The following CLCA1 variants were observed in gnomAD, a reference collection of about 807,000 sequenced individuals.
The protein encoded by CLCA1 is chloride channel accessory 1, also known as calcium-activated chloride channel regulator 1.
CLCA1 carries 59 observed loss-of-function variants against 85.6 expected under a neutral mutation model. That is an observed-to-expected ratio of 0.69 (90% confidence interval 0.56 to 0.86). The LOEUF (loss-of-function observed/expected upper bound fraction) is 0.86, where lower values mean the gene tolerates loss of function less well. Ranked by LOEUF, CLCA1 falls within the 40% of genes least tolerant of loss-of-function variation. CLCA1 has a pLI of 0.00. For missense variants in CLCA1, 1,022 were observed against 1,101.4 expected, an observed-to-expected ratio of 0.93 and a Z score of 1.02; for synonymous variants, 396 against 398.3, an observed-to-expected ratio of 0.99 and a Z score of 0.07.
At chr1:86,484,317 G>A (rs1406591419) in intron 5 of CLCA1, among the ~76,000 whole-genome samples, 1 of 152,226 alleles carries the variant, frequency 6.6e-6, no homozygotes, top group Non-Finnish European at 1.5e-5. Flanking sequence ...CATTTCGGAA[G>A]TGACTTTTTG....
At chr1:86,470,417 A>T (rs1376690160) in intron 1 of CLCA1, among the ~76,000 whole-genome samples, 1 of 152,216 alleles carries the variant, frequency 6.6e-6, no homozygotes, top group Non-Finnish European at 1.5e-5. Context: ...GGCATCAGCA[A>T]ACATGTGACC....
chr1:86,498,369 A>C (rs1309487812), intron 12 of CLCA1, among the ~76,000 whole-genome samples: 2 of 152,258 alleles, frequency 1.3e-5, no homozygotes, highest in East Asian at 1.9e-4. Context: ...AAAAAAAAGA[A>C]ACTGTGATTC....
rs753166401 is a variant in CLCA1 at position 86,493,603 on chromosome 1, T to C, written c.1680+4T>C. On this transcript the variant is annotated splice_donor_region_variant and intron_variant, in intron 10 of 13. Coordinates refer to ENST00000394711, the MANE Select transcript of CLCA1 (RefSeq NM_001285.4). ...CCAAATCCCAGGCATTGCTAAGGTA[T>C]GGAGTCAGCTTTTTTTCTTTCTCAT... 4 of 1,601,556 alleles carry C rather than the reference T, an allele frequency of 2.5e-6. No individual in the cohort carries two copies. The highest frequency in any genetic ancestry group is 3.4e-6 in the Non-Finnish European group (4 of 1,169,334).
At chr1:86,486,358 G>T (rs5744369) in intron 6 of CLCA1, among the ~76,000 whole-genome samples, 168 bp from the exon 7 acceptor site, 3 of 152,040 alleles carry the variant, frequency 2.0e-5, no homozygotes, top group Non-Finnish European at 4.4e-5. Flanking sequence ...CTACCCAAAG[G>T]TGCTGCTAAA....
At chr1:86,490,236 G>T (rs892285776) in intron 8 of CLCA1, among the ~76,000 whole-genome samples, 11 of 152,206 alleles carry the variant, frequency 7.2e-5, no homozygotes, top group Non-Finnish European at 1.5e-4. Context: ...CCCTGGAAGA[G>T]GAGGCAGCTA....
At chr1:86,490,380 C>T (rs1037391282) in intron 8 of CLCA1, among the ~76,000 whole-genome samples, 2 of 152,208 alleles carry the variant, frequency 1.3e-5, no homozygotes, top group African/African-American at 4.8e-5. Context: ...AGTGCTTTCA[C>T]ATCAACTAAC....
intron 4 of CLCA1, 66 bp from the exon 5 acceptor site, chr1:86,482,139 G>T: frequency 8.2e-7 from 1 of 1,224,020 alleles, no homozygotes; most frequent in South Asian, 1.4e-5. Flanking sequence ...GTCAGAAACT[G>T]AGCATAGACT....
chr1:86,474,112 G>C (rs967365497), intron 3 of CLCA1, among the ~76,000 whole-genome samples: 2 of 152,006 alleles, frequency 1.3e-5, no homozygotes, highest in African/African-American at 4.8e-5. Context: ...TTGAATTCTC[G>C]TAAATTATTA....
chr1:86,470,305 G>A (rs1409684508), intron 1 of CLCA1, among the ~76,000 whole-genome samples: 4 of 152,220 alleles, frequency 2.6e-5, no homozygotes, highest in African/African-American at 9.7e-5. Context: ...TTAACCCAAA[G>A]AGGATCAGGC....
chr1:86,493,646 T>C (rs1342157323), intron 10 of CLCA1, 47 bp downstream of exon 10: 1 of 1,401,930 alleles, frequency 7.1e-7, no homozygotes, highest in Non-Finnish European at 1.0e-6. Context: ...CAAGATAAAA[T>C]AAAGTTTTTA....
chr1:86,470,399 T>G (rs1050722767), intron 1 of CLCA1, among the ~76,000 whole-genome samples: 1 of 152,172 alleles, frequency 6.6e-6, no homozygotes, highest in African/African-American at 2.4e-5. Flanking sequence ...GTTTCTAAAT[T>G]TGGAAGTGGC....
intron 3 of CLCA1, among the ~76,000 whole-genome samples, chr1:86,475,388 A>G (rs966777194): frequency 6.6e-6 from 1 of 152,242 alleles, no homozygotes; most frequent in African/African-American, 2.4e-5. Flanking sequence ...TGAGCTGTAC[A>G]TAAGTCATTC....
rs1647839532 is a variant in CLCA1, at chr1:86,482,241, G to T, written c.594G>T (p.Lys198Asn). The change falls in exon 5 of 14, where the codon AAG (lysine) becomes AAT (asparagine). Residue 198 changes from lysine to asparagine, a missense_variant. Physicochemically the swap from Lys to Asn is moderately conservative, Grantham distance 94. Transcript: ENST00000394711. ...GTATTACTGGTACAAATGTAGTAAA[G>T]AAGTGTCAGGGAGGCAGCTGTTACA... ...SAGITGTNVV[K>N]KCQGGSCYTK... is the part of the protein sequence containing the mutation. 3 of 1,613,806 alleles carry T rather than the reference G, an allele frequency of 1.9e-6. No individual in the cohort carries two copies. The highest frequency in any genetic ancestry group is 2.7e-5 in the African/African-American group (2 of 74,900).
intron 8 of CLCA1, among the ~76,000 whole-genome samples, chr1:86,489,460 G>A (rs942912142): frequency 6.6e-6 from 1 of 152,170 alleles, no homozygotes; most frequent in South Asian, 2.1e-4. Context: ...GTGGCAGCTG[G>A]CCAAGAGACC....
chr1:86,499,093 G>A (rs761726841), intron 13 of CLCA1, among the ~76,000 whole-genome samples: 26 of 152,234 alleles, frequency 1.7e-4, no homozygotes, highest in Non-Finnish European at 2.5e-4. Context: ...CATTTTCTGG[G>A]TAGCAGTGAC....
At chr1:86,475,858 C>T (rs1290519770) in intron 3 of CLCA1, among the ~76,000 whole-genome samples, 1 of 152,120 alleles carries the variant, frequency 6.6e-6, no homozygotes, top group Admixed American at 6.6e-5. Flanking sequence ...CCTGAGGCAT[C>T]AGGGACCTTG....
At chr1:86,497,268 C>T (rs1648318021) in intron 12 of CLCA1, among the ~76,000 whole-genome samples, 1 of 152,196 alleles carries the variant, frequency 6.6e-6, no homozygotes, top group Non-Finnish European at 1.5e-5. Flanking sequence ...GCCTTAATGG[C>T]AGTCTCTACT....
chr1:86,475,984 A>G (rs1647627332), intron 3 of CLCA1, among the ~76,000 whole-genome samples: 1 of 152,224 alleles, frequency 6.6e-6, no homozygotes, highest in African/African-American at 2.4e-5. Flanking sequence ...GTGAGAATGA[A>G]TAAAAAAGAC....
chr1:86,499,334 A>G (rs967617906), intron 13 of CLCA1, among the ~76,000 whole-genome samples: 3 of 152,240 alleles, frequency 2.0e-5, no homozygotes, highest in Admixed American at 6.5e-5. Flanking sequence ...GCCTCTATAA[A>G]TAATAAAACA....
Sources: gnomAD v4.1 joint callset for allele counts (sites outside exome capture counted in the v4.1 genomes callset) on GRCh38, gnomAD v4.1.1 for gene constraint, MANE v1.5 for transcripts, NCBI Gene and HGNC (gene_info 2026-07-23, HGNC 2026-07-21) for gene names.